The following SUSD5 variants were observed in gnomAD, a reference collection of about 807,000 sequenced individuals.
The protein encoded by SUSD5 is sushi domain containing 5.
Under a neutral mutation model 29.5 loss-of-function variants are expected in SUSD5, and 33 were observed. The observed-to-expected ratio is 1.12, with a 90% CI of 0.85 to 1.49. The LOEUF (loss-of-function observed/expected upper bound fraction) is 1.49. Ranked by LOEUF, SUSD5 falls within the 40% of genes most tolerant of loss-of-function variation. The pLI, the probability that SUSD5 is intolerant of heterozygous loss-of-function variation, is 0.00. For missense variants in SUSD5, 776 were observed against 800.6 expected (o/e 0.97, Z 0.37); for synonymous variants, 308 against 325.3 (o/e 0.95, Z 0.57).
At chr3:33,207,718 C>T in intron 3 of SUSD5, 90 bp downstream of exon 3, 1 of 791,748 alleles carries the variant, frequency 1.3e-6, no homozygotes, top group Admixed American at 2.9e-5. Context: ...TAAATCCTCA[C>T]TTCAAGGTTT....
intron 4 of SUSD5, among the ~76,000 whole-genome samples, chr3:33,158,849 C>T (rs1233415634): frequency 6.6e-6 from 1 of 152,178 alleles, no homozygotes; most frequent in South Asian, 2.1e-4. Context: ...TAGGCCATCA[C>T]TTCATGCACC....
At chr3:33,185,424 G>C (rs2031758054) in intron 3 of SUSD5, among the ~76,000 whole-genome samples, 1 of 152,206 alleles carries the variant, frequency 6.6e-6, no homozygotes, top group Non-Finnish European at 1.5e-5. Context: ...GGTCCCCCTG[G>C]AGTTTTTAAC....
Position 33,199,367 on chromosome 3 carries a change from G to A in SUSD5, c.409+8441C>T, listed in dbSNP as rs187714601. 5.9e-4 allele frequency among the ~76,000 whole-genome samples: 89 copies of A among 152,136 alleles called. 2 individuals carry two copies. The highest frequency in any genetic ancestry group is 2.0e-3 in the African/African-American group (82 of 41,510). ...CGGCTCACTGCAGGCTCCGCCTCCC[G>A]GGTTCACACCATTCTCCTGCCTCAG... On this transcript the variant is annotated intron_variant, in intron 3 of 4. Transcript: ENST00000309558.
chr3:33,169,355 G>A (rs1220235308), intron 4 of SUSD5, among the ~76,000 whole-genome samples: 1 of 152,072 alleles, frequency 6.6e-6, no homozygotes, highest in Admixed American at 6.5e-5. Flanking sequence ...TGAGTAGCTG[G>A]GATTACAGGC....
At chr3:33,157,018 C>T (rs987477636) in intron 4 of SUSD5, among the ~76,000 whole-genome samples, 1 of 152,154 alleles carries the variant, frequency 6.6e-6, no homozygotes, top group South Asian at 2.1e-4. Context: ...AAACCTCACA[C>T]AAAAAACATA....
Position 33,153,927 on chromosome 3 carries a change from CCT to C in SUSD5, c.703_704del (p.Arg235GlyfsTer7). On this transcript the variant is annotated frameshift_variant, in exon 5 of 5. Transcript: ENST00000309558. LOFTEE classifies it low-confidence loss of function (END_TRUNC). ...EDSRTEADEDRGQGDSSEEAP... is the reference protein window; with the variant it reads ...EDSRTEADEDXGQGDSSEEAP... ...CCTCCTCAGAGGAGTCTCCCTGACC[CCT>C]GTCCTCATCTGCCTCTGTCCGGGAA... The C allele has an allele frequency of 1.2e-6, 2 of 1,613,922 alleles. No individual in the cohort carries two copies. The highest frequency in any genetic ancestry group is 1.7e-6 in the Non-Finnish European group (2 of 1,179,884).
intron 4 of SUSD5, among the ~76,000 whole-genome samples, chr3:33,172,252 T>C (rs2031443639): frequency 6.6e-6 from 1 of 151,932 alleles, no homozygotes; most frequent in South Asian, 2.1e-4. Context: ...ATAGCTTAAA[T>C]GTTAAACTCT....
intron 3 of SUSD5, among the ~76,000 whole-genome samples, chr3:33,205,093 G>A (rs542826595): frequency 3.9e-5 from 6 of 152,010 alleles, no homozygotes; most frequent in African/African-American, 9.6e-5. Flanking sequence ...TACATATGAC[G>A]TCCCTTTGTC....
At chr3:33,210,215 G>A (rs2032297033) in intron 2 of SUSD5, among the ~76,000 whole-genome samples, 1 of 152,078 alleles carries the variant, frequency 6.6e-6, no homozygotes, top group African/African-American at 2.4e-5. Context: ...GGAAATTCAG[G>A]GTCATCTCAA....
At chr3:33,156,308 G>C (rs1349423916) in intron 4 of SUSD5, among the ~76,000 whole-genome samples, 1 of 152,006 alleles carries the variant, frequency 6.6e-6, no homozygotes, top group African/African-American at 2.4e-5. Context: ...CAAAGTGCTG[G>C]GATTACAGGC....
intron 3 of SUSD5, among the ~76,000 whole-genome samples, chr3:33,187,002 C>G (rs1210686233): frequency 3.9e-5 from 6 of 152,122 alleles, no homozygotes; most frequent in Non-Finnish European, 5.9e-5. Flanking sequence ...AAGAATGAAC[C>G]AAAGTCATCC....
chr3:33,175,273 T>C (rs1254484917), intron 3 of SUSD5, among the ~76,000 whole-genome samples, 199 bp from the exon 4 acceptor site: 1 of 152,200 alleles, frequency 6.6e-6, no homozygotes, highest in African/African-American at 2.4e-5. Context: ...CAAAAATACT[T>C]GTTGCGTGAA....
At position 33,213,956 on chromosome 3, in the gene SUSD5, T is replaced by C. The variant is rs2032375499; in HGVS notation, c.262A>G (p.Thr88Ala). 6.2e-7 allele frequency: 1 copy of C among 1,607,792 alleles called. No individual in the cohort carries two copies. Residue 88 changes from threonine to alanine, a missense_variant, in exon 2 of 5, where the codon ACT becomes GCT. By Grantham distance (58) the Thr-to-Ala change is moderately conservative. Coordinates refer to ENST00000309558, the MANE Select transcript of SUSD5 (RefSeq NM_015551.2). ...AGAGTACCATCTGCTAGCCAGCCAGTGGTGCACACCGCAAAGGAGCAATCC... is the reference window on the plus strand; with the variant it reads ...AGAGTACCATCTGCTAGCCAGCCAGCGGTGCACACCGCAAAGGAGCAATCC... The part of the protein sequence containing the change: ...VQDCSFAVCT[T>A]GWLADGTLGT...
chr3:33,196,887 G>A (rs1349003674), intron 3 of SUSD5, among the ~76,000 whole-genome samples: 1 of 152,174 alleles, frequency 6.6e-6, no homozygotes, highest in Admixed American at 6.5e-5. Flanking sequence ...AAAACAAAAA[G>A]CCTGTAGAGT....
At chr3:33,158,020 A>G (rs556027352) in intron 4 of SUSD5, among the ~76,000 whole-genome samples, 2 of 152,282 alleles carry the variant, frequency 1.3e-5, no homozygotes, top group Non-Finnish European at 2.9e-5. Context: ...TCCCTAAAGT[A>G]GAACAGTGCT....
At chr3:33,207,778 C>T in intron 3 of SUSD5, 30 bp downstream of exon 3, 3 of 1,508,576 alleles carry the variant, frequency 2.0e-6, no homozygotes, top group Non-Finnish European at 1.8e-6. Flanking sequence ...GCACACCCTC[C>T]AGCACCTTTA....
intron 4 of SUSD5, among the ~76,000 whole-genome samples, chr3:33,173,695 T>C (rs1424994082): frequency 6.6e-6 from 1 of 152,200 alleles, no homozygotes; most frequent in Non-Finnish European, 1.5e-5. Context: ...GTGCTGGAGT[T>C]ATTTCCCTCT....
At chr3:33,174,443 C>T (rs1462121625) in intron 4 of SUSD5, among the ~76,000 whole-genome samples, 2 of 152,148 alleles carry the variant, frequency 1.3e-5, no homozygotes, top group Non-Finnish European at 2.9e-5. Context: ...ACAAGAATCA[C>T]CACCCTCAGG....
intron 3 of SUSD5, among the ~76,000 whole-genome samples, chr3:33,184,160 G>A (rs181558890): frequency 9.6e-4 from 145 of 151,572 alleles, no homozygotes; most frequent in Admixed American, 3.9e-3. Flanking sequence ...GGCAGGTCTC[G>A]AACTCCTGAC....
Sources: gnomAD v4.1 joint callset for allele counts (sites outside exome capture counted in the v4.1 genomes callset) on GRCh38, gnomAD v4.1.1 for gene constraint, MANE v1.5 for transcripts, NCBI Gene and HGNC (gene_info 2026-07-23, HGNC 2026-07-21) for gene names.